Variants in UNC13C observed in about 807,000 individuals in gnomAD.
The protein encoded by UNC13C is protein unc-13 homolog C.
UNC13C carries 174 observed loss-of-function variants against 245.4 expected under a neutral mutation model. The ratio of observed to expected loss-of-function variants is 0.71; its 90% CI spans 0.63 to 0.80. UNC13C has a LOEUF of 0.80. Among genes scored for constraint, UNC13C ranks in the 30% least tolerant of loss-of-function variants. The pLI is 0.00. For missense variants in UNC13C, 2,829 were observed against 2,602.9 expected (o/e 1.09, Z -1.89); for synonymous variants, 992 against 895.1 (o/e 1.11, Z -1.93).
At chr15:54,133,558 C>T (rs776004558) in intron 2 of UNC13C, among the ~76,000 whole-genome samples, 2 of 152,058 alleles carry the variant, frequency 1.3e-5, no homozygotes, top group African/African-American at 2.4e-5. Context: ...CTCGCATTAA[C>T]GACATTAAAT....
At chr15:54,365,701 CT>C (rs2140873878) in intron 17 of UNC13C, among the ~76,000 whole-genome samples, 1 of 151,382 alleles carries the variant, frequency 6.6e-6, no homozygotes, top group Admixed American at 6.6e-5. Flanking sequence ...CTAGTGGGCC[CT>C]TATATGACAA....
chr15:54,486,104 C>A (rs955416203), intron 19 of UNC13C, among the ~76,000 whole-genome samples: 1 of 151,968 alleles, frequency 6.6e-6, no homozygotes, highest in East Asian at 1.9e-4. Flanking sequence ...TGCTGTATTT[C>A]CTGTATAGAA....
intron 4 of UNC13C, among the ~76,000 whole-genome samples, chr15:54,208,071 A>G (rs186621741): frequency 5.1e-4 from 77 of 152,274 alleles, no homozygotes; most frequent in African/African-American, 1.8e-3. Flanking sequence ...GCTTCTGGTG[A>G]GGGCTTTGGG....
intron 2 of UNC13C, chr15:54,049,388 T>C (rs1479038248): frequency 7.8e-6 from 4 of 514,258 alleles, no homozygotes; most frequent in African/African-American, 2.0e-5. Flanking sequence ...AAACTAACAG[T>C]TCCTTCTTTG....
At chr15:54,311,529 G>T (rs1256910453) in intron 13 of UNC13C, among the ~76,000 whole-genome samples, 1 of 151,410 alleles carries the variant, frequency 6.6e-6, no homozygotes, top group Non-Finnish European at 1.5e-5. Context: ...TGAAATGCTT[G>T]GTTTTTCTTA....
the UNC13C span, among the ~76,000 whole-genome samples, chr15:53,959,314 G>A: frequency 6.6e-6 from 1 of 151,856 alleles, no homozygotes; most frequent in Non-Finnish European, 1.5e-5. Flanking sequence ...TCTCAGCAGT[G>A]GGATTCCTGG....
rs561079483 is a variant in UNC13C, at chr15:54,615,507, T to TAATG, written c.6107-6819_6107-6816dup. Among the ~76,000 whole-genome samples, 314 of 152,182 alleles carry TAATG rather than the reference T, an allele frequency of 2.1e-3. 2 individuals carry two copies. The highest frequency in any genetic ancestry group is 7.1e-3 in the African/African-American group (293 of 41,550). On this transcript the variant is annotated intron_variant, in intron 30 of 32. Coordinates refer to ENST00000260323, the MANE Select transcript of UNC13C (RefSeq NM_001080534.3). ...TTATTCCCTAGTCTCTTCCTGCTTA[T>TAATG]AATGCCTGGTGGGAATACACACTGC...
intron 6 of UNC13C, among the ~76,000 whole-genome samples, chr15:54,236,732 G>A (rs1346360775): frequency 6.6e-6 from 1 of 152,198 alleles, no homozygotes; most frequent in Non-Finnish European, 1.5e-5. Flanking sequence ...CAAGGTAAAT[G>A]TGGAGATGAG....
At chr15:54,493,970 A>T (rs1050573521) in intron 19 of UNC13C, among the ~76,000 whole-genome samples, 2 of 152,144 alleles carry the variant, frequency 1.3e-5, no homozygotes, top group African/African-American at 4.8e-5. Flanking sequence ...AGATAACTTT[A>T]GGTAAACCTA....
At chr15:53,892,111 AT>A in the UNC13C span, among the ~76,000 whole-genome samples, 1 of 152,096 alleles carries the variant, frequency 6.6e-6, no homozygotes, top group Non-Finnish European at 1.5e-5. Flanking sequence ...TCTGTAAAGG[AT>A]TTTATTTCTC....
chr15:54,459,309 G>T (rs962484077), intron 19 of UNC13C, among the ~76,000 whole-genome samples: 11 of 152,080 alleles, frequency 7.2e-5, no homozygotes, highest in Admixed American at 7.2e-4. Flanking sequence ...TGATGCTTTT[G>T]TCTTATAGCC....
chr15:53,989,397 C>T (rs998486642), intron 1 of UNC13C, among the ~76,000 whole-genome samples: 7 of 150,816 alleles, frequency 4.6e-5, no homozygotes, highest in South Asian at 4.2e-4. Flanking sequence ...GTAGGAAATT[C>T]GTGGATTTAA....
intron 19 of UNC13C, among the ~76,000 whole-genome samples, chr15:54,470,226 G>C (rs1892387924): frequency 6.6e-6 from 1 of 151,478 alleles, no homozygotes; most frequent in Non-Finnish European, 1.5e-5. Flanking sequence ...AAATGTATCT[G>C]TCTGGCTTTG....
At chr15:54,284,157 C>G (rs2037079537) in intron 10 of UNC13C, among the ~76,000 whole-genome samples, 1 of 152,064 alleles carries the variant, frequency 6.6e-6, no homozygotes, top group Admixed American at 6.5e-5. Context: ...CATATCGCCA[C>G]TTAAATAAAA....
At chr15:54,188,734 A>T (rs1043000953) in intron 4 of UNC13C, among the ~76,000 whole-genome samples, 1 of 152,146 alleles carries the variant, frequency 6.6e-6, no homozygotes, top group Non-Finnish European at 1.5e-5. Context: ...GATCTCACTG[A>T]TCCTCACAGC....
chr15:54,067,876 G>A (rs899631212), intron 2 of UNC13C, among the ~76,000 whole-genome samples: 1 of 152,210 alleles, frequency 6.6e-6, no homozygotes, highest in Admixed American at 6.5e-5. Context: ...AGTGTCAACA[G>A]TCTGACTCCT....
At chr15:53,954,143 C>T in the UNC13C span, among the ~76,000 whole-genome samples, 2 of 152,184 alleles carry the variant, frequency 1.3e-5, no homozygotes, top group Non-Finnish European at 2.9e-5. Context: ...CTACTAGGTG[C>T]CCAATTTTAC....
chr15:54,303,732 G>A (rs1296432697), intron 13 of UNC13C, among the ~76,000 whole-genome samples: 2 of 151,636 alleles, frequency 1.3e-5, no homozygotes, highest in South Asian at 2.1e-4. Flanking sequence ...GCCCAAGGTG[G>A]TCGGGGCACA....
At chr15:54,133,254 C>T (rs964788220) in intron 2 of UNC13C, among the ~76,000 whole-genome samples, 6 of 152,046 alleles carry the variant, frequency 3.9e-5, no homozygotes, top group African/African-American at 1.2e-4. Context: ...CCGTAGATTA[C>T]GTTCAGATTT....
Sources: allele counts gnomAD v4.1 joint callset (sites outside exome capture counted in the v4.1 genomes callset), GRCh38; gene constraint gnomAD v4.1.1; transcripts MANE v1.5; gene names NCBI Gene and HGNC (gene_info 2026-07-23, HGNC 2026-07-21).